The following CALN1 variants were observed in gnomAD, a reference collection of about 807,000 sequenced individuals.
CALN1 encodes the protein calcium-binding protein 8.
CALN1 carries 17 observed loss-of-function variants against 30.6 expected under a neutral mutation model. That is an observed-to-expected ratio of 0.56 (90% CI 0.38 to 0.83). The LOEUF is 0.83. Among genes scored for constraint, CALN1 ranks in the 40% least tolerant of loss-of-function variants. The probability of loss-of-function intolerance (pLI) is 0.00; values close to 1 mark genes in which losing one functional copy is unlikely to be tolerated. For missense variants in CALN1, 291 were observed against 354.9 expected, an observed-to-expected ratio of 0.82 and a Z score of 1.45; for synonymous variants, 156 against 131.4, an observed-to-expected ratio of 1.19 and a Z score of -1.28.
intron 2 of CALN1, among the ~76,000 whole-genome samples, chr7:72,303,465 G>A (rs1292702259): frequency 6.6e-6 from 1 of 151,458 alleles, no homozygotes; most frequent in Non-Finnish European, 1.5e-5. Flanking sequence ...GCTGAGACAG[G>A]ACAATCCCTT....
chr7:72,308,771 C>G (rs1585433833), intron 2 of CALN1, among the ~76,000 whole-genome samples: 1 of 152,202 alleles, frequency 6.6e-6, no homozygotes, highest in East Asian at 1.9e-4. Flanking sequence ...AACACAACCT[C>G]AAGGTCGGTG....
intron 2 of CALN1, among the ~76,000 whole-genome samples, chr7:72,346,506 T>C (rs1313137034): frequency 6.6e-6 from 1 of 152,176 alleles, no homozygotes; most frequent in Non-Finnish European, 1.5e-5. Context: ...CTCCATTCAG[T>C]TAAAATTTAT....
intron 5 of CALN1, among the ~76,000 whole-genome samples, chr7:71,980,299 G>C (rs1317158621): frequency 6.7e-6 from 1 of 148,920 alleles, no homozygotes; most frequent in Non-Finnish European, 1.5e-5. Context: ...TGATTCTTCT[G>C]CCTCAGCCTC....
At chr7:71,970,243 G>A (rs1435799838) in intron 5 of CALN1, among the ~76,000 whole-genome samples, 1 of 152,078 alleles carries the variant, frequency 6.6e-6, no homozygotes, top group African/African-American at 2.4e-5. Flanking sequence ...ATATATACAG[G>A]TTGGATAGTC....
chr7:71,981,996 A>T (rs1584673089), intron 5 of CALN1, among the ~76,000 whole-genome samples: 1 of 152,190 alleles, frequency 6.6e-6, no homozygotes, highest in African/African-American at 2.4e-5. Context: ...CATCCCAGCC[A>T]GGCACGCTGC....
intron 3 of CALN1, among the ~76,000 whole-genome samples, chr7:72,247,227 CTTTTTTTTTTTTTTTTTTTTT>C (rs764276435): frequency 2.6e-5 from 2 of 77,672 alleles, no homozygotes; most frequent in African/African-American, 5.5e-5. Flanking sequence ...CATTTTCTTT[CTTTTTTTTTTTTTTTTTTTTT>C]TTTTTTTTTT....
chr7:72,148,058 T>A (rs185358709), intron 3 of CALN1, among the ~76,000 whole-genome samples: 201 of 150,442 alleles, frequency 1.3e-3, no homozygotes, highest in African/African-American at 4.8e-3. Flanking sequence ...AACCTGCATG[T>A]TGTGCACACG....
intron 6 of CALN1, among the ~76,000 whole-genome samples, chr7:71,805,413 G>C (rs1193612408): frequency 6.6e-6 from 1 of 152,146 alleles, no homozygotes; most frequent in Non-Finnish European, 1.5e-5. Flanking sequence ...GGGTTGCGAG[G>C]AGGATTCAGT....
intron 2 of CALN1, among the ~76,000 whole-genome samples, chr7:72,286,146 A>C (rs1414805899): frequency 1.3e-5 from 2 of 152,202 alleles, no homozygotes; most frequent in Non-Finnish European, 2.9e-5. Flanking sequence ...TACAGGGATA[A>C]GAAGAGATTG....
In CALN1 at chr7:72,419,054, GA is replaced by G. The variant is rs924307625; in HGVS notation, c.-225-6780del. On this transcript the variant is annotated intron_variant, in intron 1 of 6. Coordinates refer to the CALN1 transcript ENST00000395276. Reference sequence around the variant, plus strand: ...TTGGTTTGGCGGACCTCTACCCATTGAAAAGCCTAGAAGTAGATTCCCAGAA... The same window carrying G: ...TTGGTTTGGCGGACCTCTACCCATTGAAAGCCTAGAAGTAGATTCCCAGAA... Among the ~76,000 whole-genome samples, 44 of 152,178 alleles carry G rather than the reference GA, an allele frequency of 2.9e-4. 1 individual carries two copies. Among genetic ancestry groups the G allele is most frequent in the Admixed American group, 1.8e-3 (27 of 15,284 alleles).
At chr7:72,450,908 C>T (rs1808643052), upstream of CALN1, among the ~76,000 whole-genome samples, 1 of 152,014 alleles carries the variant, frequency 6.6e-6, no homozygotes, top group Non-Finnish European at 1.5e-5. Context: ...TCATGTGGGG[C>T]AGGAGCAGTG....
chr7:71,945,449 G>T (rs1229949349), intron 5 of CALN1, among the ~76,000 whole-genome samples: 1 of 152,176 alleles, frequency 6.6e-6, no homozygotes, highest in African/African-American at 2.4e-5. Flanking sequence ...TCGAGAGCAG[G>T]GCTCCTCATC....
At chr7:72,237,439 G>A (rs523703) in intron 3 of CALN1, among the ~76,000 whole-genome samples, 1,632 of 152,280 alleles carry the variant, frequency 0.011, 28 homozygotes, top group African/African-American at 0.037. Flanking sequence ...GACAGGGAGA[G>A]ACGACAGGGC....
rs549596643 is a variant in CALN1 at position 71,896,411 on chromosome 7, G to C, written c.502-85919C>G. ...CTTCCTCATGTTTAATAAAAGATTAGGTTTCCCAAAAAATAGCTGAGCAGG... is the reference window on the plus strand; with the variant it reads ...CTTCCTCATGTTTAATAAAAGATTACGTTTCCCAAAAAATAGCTGAGCAGG... On this transcript the variant is annotated intron_variant, in intron 5 of 6. Coordinates refer to ENST00000395275, the MANE Select transcript of CALN1 (RefSeq NM_031468.4). Among the ~76,000 whole-genome samples, 6 of 152,186 alleles carry C rather than the reference G, an allele frequency of 3.9e-5. No homozygotes were observed. In the East Asian group the frequency reaches 9.7e-4, roughly 25 times the overall value.
At chr7:72,462,539 T>G in the CALN1 span, among the ~76,000 whole-genome samples, 1 of 152,080 alleles carries the variant, frequency 6.6e-6, no homozygotes, top group African/African-American at 2.4e-5. Context: ...GAATGACTGA[T>G]GAGGTCGAGC....
At chr7:71,979,854 A>C (rs1054946975) in intron 5 of CALN1, among the ~76,000 whole-genome samples, 1 of 149,228 alleles carries the variant, frequency 6.7e-6, no homozygotes, top group Non-Finnish European at 1.5e-5. Flanking sequence ...ATAAAATCTC[A>C]GACACATCAG....
intron 4 of CALN1, among the ~76,000 whole-genome samples, chr7:72,102,536 T>C (rs1263691855): frequency 1.3e-5 from 2 of 152,074 alleles, no homozygotes; most frequent in Non-Finnish European, 2.9e-5. Context: ...TAAAACAAGC[T>C]GTTATGTCCA....
intron 2 of CALN1, among the ~76,000 whole-genome samples, chr7:72,377,477 G>C (rs1224981267): frequency 6.7e-6 from 1 of 149,256 alleles, no homozygotes; most frequent in Non-Finnish European, 1.5e-5. Flanking sequence ...GTGTGTGTTT[G>C]CATGTATTAT....
intron 3 of CALN1, among the ~76,000 whole-genome samples, chr7:72,196,054 G>A (rs1790969859): frequency 6.6e-6 from 1 of 152,092 alleles, no homozygotes; most frequent in South Asian, 2.1e-4. Context: ...TGGCTGCCTA[G>A]GGTTGGGAGA....
Sources: allele counts gnomAD v4.1 joint callset (sites outside exome capture counted in the v4.1 genomes callset), GRCh38; gene constraint gnomAD v4.1.1; transcripts MANE v1.5; gene names NCBI Gene and HGNC (gene_info 2026-07-23, HGNC 2026-07-21).